PDPN: variants seen among roughly 807,000 people sequenced by gnomAD.
PDPN encodes the protein podoplanin.
A neutral mutation model predicts 23.2 loss-of-function variants in PDPN; 12 were observed. The observed-to-expected ratio is 0.52, with a 90% CI of 0.33 to 0.84. PDPN has a LOEUF of 0.84. Ranked by LOEUF, PDPN falls within the 40% of genes least tolerant of loss-of-function variation. The probability of loss-of-function intolerance (pLI) is 0.02; values close to 1 mark genes in which losing one functional copy is unlikely to be tolerated. For synonymous variants in PDPN, 77 were observed against 76.7 expected (o/e 1.00, Z -0.02); for missense variants, 199 against 212.2 (o/e 0.94, Z 0.39).
At chr1:13,602,519 A>G (rs1046300622) in intron 1 of PDPN, among the ~76,000 whole-genome samples, 8 of 152,152 alleles carry the variant, frequency 5.3e-5, no homozygotes, top group Non-Finnish European at 1.2e-4. Flanking sequence ...TATTTAAAAG[A>G]TTTTTATTAA....
At chr1:13,611,249 C>G (rs1008294497) in intron 3 of PDPN, among the ~76,000 whole-genome samples, 1 of 150,722 alleles carries the variant, frequency 6.6e-6, no homozygotes, top group Non-Finnish European at 1.5e-5. Flanking sequence ...AAAAAACAAA[C>G]AAACAAACAA....
At chr1:13,585,091 A>G (rs888888903) in intron 1 of PDPN, among the ~76,000 whole-genome samples, 11 of 152,182 alleles carry the variant, frequency 7.2e-5, no homozygotes, top group Admixed American at 3.9e-4. Flanking sequence ...GTTGCTCACT[A>G]AATGTTGGTT....
At chr1:13,613,754 CT>C in intron 4 of PDPN, 29 bp downstream of exon 4, 2 of 1,309,556 alleles carry the variant, frequency 1.5e-6, no homozygotes, top group Non-Finnish European at 2.2e-6. Flanking sequence ...TCAAAATACT[CT>C]TACTGGGGTT....
In PDPN at chr1:13,616,142, A is replaced by C; in HGVS notation, c.*231A>C. On this transcript the variant is annotated 3_prime_UTR_variant, in exon 6 of 6. Coordinates refer to ENST00000621990, the MANE Select transcript of PDPN (RefSeq NM_006474.5). ...AAACATGTTTTTGAATATACATTCT[A>C]TAAAAGATTATTTGAAAGACAAAAT... 1 of 571,244 alleles carries C rather than the reference A, an allele frequency of 1.8e-6. No homozygotes were observed. The highest frequency in any genetic ancestry group is 3.1e-6 in the Non-Finnish European group (1 of 320,728). 35.4% of individuals were successfully genotyped at this position (571,244 alleles called of 1,614,324 possible).
chr1:13,610,356 T>G (rs1164990869), intron 2 of PDPN, 31 bp from the exon 3 acceptor site: 2 of 1,598,272 alleles, frequency 1.3e-6, no homozygotes, highest in Middle Eastern at 3.3e-4. Flanking sequence ...AGGCTTTATT[T>G]CCTGTTTTTC....
chr1:13,597,623 ACTCAGCATCGCAAAGGGGCAG>A (rs987768936), intron 1 of PDPN, among the ~76,000 whole-genome samples: 33 of 152,160 alleles, frequency 2.2e-4, no homozygotes, highest in African/African-American at 7.7e-4. Flanking sequence ...CCCCATCTAG[ACTCAGCATCGCAAAGGGGCAG>A]CCTTCTTTGT....
chr1:13,604,436 T>C (rs993645781), intron 1 of PDPN, among the ~76,000 whole-genome samples: 3 of 138,280 alleles, frequency 2.2e-5, no homozygotes, highest in Non-Finnish European at 3.2e-5. Context: ...ACATGCATCT[T>C]AATCCTGACT....
intron 1 of PDPN, among the ~76,000 whole-genome samples, chr1:13,604,698 T>C (rs1226330049): frequency 6.6e-6 from 1 of 152,142 alleles, no homozygotes; most frequent in Non-Finnish European, 1.5e-5. Flanking sequence ...TTTTTAAAAT[T>C]GATGATTTGT....
At chr1:13,592,105 G>GT (rs1640362839) in intron 1 of PDPN, among the ~76,000 whole-genome samples, 1 of 152,190 alleles carries the variant, frequency 6.6e-6, no homozygotes, top group South Asian at 2.1e-4. Flanking sequence ...CGCCAATTGT[G>GT]TATCTTTGGA....
chr1:13,604,600 A>G (rs936061139), intron 1 of PDPN, among the ~76,000 whole-genome samples: 1 of 136,950 alleles, frequency 7.3e-6, no homozygotes, highest in South Asian at 2.5e-4. Context: ...TTCATTGAGC[A>G]CTTGATTTTT....
intron 1 of PDPN, among the ~76,000 whole-genome samples, chr1:13,590,312 T>A (rs1640306094): frequency 6.6e-6 from 1 of 152,238 alleles, no homozygotes; most frequent in Non-Finnish European, 1.5e-5. Context: ...ATGCTGTGAT[T>A]GTAGCTTGCA....
intron 1 of PDPN, among the ~76,000 whole-genome samples, chr1:13,590,560 G>A (rs995732741): frequency 9.9e-5 from 15 of 152,122 alleles, no homozygotes; most frequent in African/African-American, 3.6e-4. Flanking sequence ...AGTTGGTCTA[G>A]GCAGAAGAAA....
chr1:13,607,070 T>C (rs1216143338), intron 1 of PDPN, 103 bp from the exon 2 acceptor site: 6 of 1,364,516 alleles, frequency 4.4e-6, no homozygotes, highest in Non-Finnish European at 6.0e-6. Context: ...AAAACAAAAA[T>C]TTCCAAAAGA....
chr1:13,610,535 T>C lies in PDPN; in HGVS notation c.331+19T>C. 6.2e-7 allele frequency: 1 copy of C among 1,609,890 alleles called. No homozygotes were observed. The highest frequency in any genetic ancestry group is 8.5e-7 in the Non-Finnish European group (1 of 1,177,860). Reference sequence around the variant, plus strand: ...TCCACGGGTAAGAAAACCAGCCACCTCCATGGGGGCTGATCTACTTTTGCA... The same window carrying C: ...TCCACGGGTAAGAAAACCAGCCACCCCCATGGGGGCTGATCTACTTTTGCA... On this transcript the variant is annotated intron_variant, in intron 3 of 5. Transcript: ENST00000621990.
intron 1 of PDPN, among the ~76,000 whole-genome samples, chr1:13,588,300 TAC>T (rs1232562350): frequency 1.3e-5 from 2 of 152,074 alleles, no homozygotes; most frequent in African/African-American, 4.8e-5. Context: ...AAATGCCAGA[TAC>T]ACAGAGTGTA....
At chr1:13,591,420 C>CA (rs1399900513) in intron 1 of PDPN, among the ~76,000 whole-genome samples, 1 of 152,214 alleles carries the variant, frequency 6.6e-6, no homozygotes, top group Non-Finnish European at 1.5e-5. Flanking sequence ...AGTAAAATCA[C>CA]AGAGTTATGC....
intron 1 of PDPN, among the ~76,000 whole-genome samples, chr1:13,588,055 C>T (rs959517504): frequency 6.6e-6 from 1 of 152,126 alleles, no homozygotes; most frequent in Non-Finnish European, 1.5e-5. Flanking sequence ...ATGGCCAACT[C>T]GTTCATGTAG....
chr1:13,611,404 A>G (rs2487647), intron 3 of PDPN, among the ~76,000 whole-genome samples: 105,398 of 151,696 alleles, frequency 0.69, 36,849 homozygotes, highest in Admixed American at 0.76. Flanking sequence ...AGCCTTGAAA[A>G]TGAAAATGCA....
intron 5 of PDPN, chr1:13,614,829 T>C: frequency 1.9e-6 from 1 of 518,232 alleles, no homozygotes. Flanking sequence ...AAGGACTACA[T>C]CTGAAGTTTC....
Sources: gnomAD v4.1 joint callset for allele counts (sites outside exome capture counted in the v4.1 genomes callset) on GRCh38, gnomAD v4.1.1 for gene constraint, MANE v1.5 for transcripts, NCBI Gene and HGNC (gene_info 2026-07-23, HGNC 2026-07-21) for gene names.